Variants in GLO1 observed in about 807,000 individuals in gnomAD.
The protein encoded by GLO1 is lactoylglutathione lyase.
Under a neutral mutation model 26.0 loss-of-function variants are expected in GLO1, and 28 were observed. The observed-to-expected ratio is 1.08, with a 90% CI of 0.80 to 1.48. The LOEUF is 1.48. Ranked by LOEUF, GLO1 falls within the 40% of genes most tolerant of loss-of-function variation. GLO1 has a pLI of 0.00. For synonymous variants in GLO1, 78 were observed against 77.6 expected (o/e 1.00, Z -0.03); for missense variants, 225 against 224.8 (o/e 1.00, Z -0.01).
chr6:38,682,921 T>A, intron 3 of GLO1, 46 bp from the exon 4 acceptor site: 5 of 1,102,142 alleles, frequency 4.5e-6, no homozygotes, highest in Non-Finnish European at 7.0e-6. Context: ...AGGGAATAGA[T>A]ATTCTGAAAA....
rs543143027 is a variant in GLO1, at chr6:38,684,567, C to T, written c.168-53G>A. The T allele has an allele frequency of 3.3e-6, 4 of 1,201,702 alleles. No individual in the cohort carries two copies. The African/African-American group carries it at 6.2e-5, about 19-fold the overall frequency. 74.4% of individuals were successfully genotyped at this position (1,201,702 alleles called of 1,614,324 possible). ...TCATTAACAACAGGAAAGGCTAATT[C>T]ATACTATAATCAACATAACTTAATA... On this transcript the variant is annotated intron_variant, in intron 2 of 5. Transcript: ENST00000373365.
At chr6:38,699,749 A>T (rs548508162) in intron 1 of GLO1, among the ~76,000 whole-genome samples, 20 of 152,200 alleles carry the variant, frequency 1.3e-4, no homozygotes, top group African/African-American at 2.2e-4. Context: ...ACTTCACCCT[A>T]GTAAATTTGT....
chr6:38,681,196 C>T (rs755631484), intron 5 of GLO1, among the ~76,000 whole-genome samples: 3 of 151,934 alleles, frequency 2.0e-5, no homozygotes, highest in Non-Finnish European at 2.9e-5. Flanking sequence ...CCTGAGTAGG[C>T]GGACTATAGG....
chr6:38,686,102 G>GA (rs778298143), intron 2 of GLO1, among the ~76,000 whole-genome samples: 5 of 151,914 alleles, frequency 3.3e-5, no homozygotes, highest in Admixed American at 1.3e-4. Flanking sequence ...CCTTTTTCTA[G>GA]AAAAAAATCA....
At chr6:38,693,685 CTATATATATA>C (rs1170645548) in intron 1 of GLO1, among the ~76,000 whole-genome samples, 10 of 86,460 alleles carry the variant, frequency 1.2e-4, no homozygotes, top group South Asian at 3.6e-4. Context: ...CTCTCTCTCT[CTATATATATA>C]TATATATATA....
intron 5 of GLO1, among the ~76,000 whole-genome samples, chr6:38,679,961 G>C (rs1301993690): frequency 6.6e-6 from 1 of 152,174 alleles, no homozygotes; most frequent in Non-Finnish European, 1.5e-5. Context: ...GAGAAAATTA[G>C]CTAATTGGTA....
chr6:38,699,644 C>T (rs564591309), intron 1 of GLO1, among the ~76,000 whole-genome samples: 13 of 152,170 alleles, frequency 8.5e-5, no homozygotes, highest in South Asian at 4.2e-4. Context: ...TATAAACGCC[C>T]GCTCTGGGAA....
At chr6:38,702,949 T>C (rs967082134) in intron 1 of GLO1, 22 bp downstream of exon 1, 6 of 1,397,076 alleles carry the variant, frequency 4.3e-6, no homozygotes, top group Non-Finnish European at 6.1e-6. Flanking sequence ...GGGGGAGCCG[T>C]TCCCTTCGGT....
intron 5 of GLO1, among the ~76,000 whole-genome samples, chr6:38,680,395 C>T (rs138360121): frequency 6.6e-6 from 1 of 152,172 alleles, no homozygotes; most frequent in African/African-American, 2.4e-5. Flanking sequence ...GTGGTGCATG[C>T]CTGTAATCCC....
At chr6:38,678,496 G>T (rs1761312030) in intron 5 of GLO1, among the ~76,000 whole-genome samples, 1 of 152,184 alleles carries the variant, frequency 6.6e-6, no homozygotes, top group South Asian at 2.1e-4. Context: ...ATGGGGCCGG[G>T]TGACTGTTTT....
intron 2 of GLO1, among the ~76,000 whole-genome samples, chr6:38,685,252 G>T (rs2127546696): frequency 6.6e-6 from 1 of 152,226 alleles, no homozygotes; most frequent in Non-Finnish European, 1.5e-5. Flanking sequence ...CAGAGGGCAA[G>T]AAATATTCTG....
At chr6:38,684,629 A>C (rs1761436697) in intron 2 of GLO1, 115 bp from the exon 3 acceptor site, 2 of 536,624 alleles carry the variant, frequency 3.7e-6, no homozygotes, top group Admixed American at 7.9e-5. Flanking sequence ...ATATGTAGTA[A>C]GCCTATTTTA....
intron 1 of GLO1, among the ~76,000 whole-genome samples, chr6:38,691,988 T>C (rs968960535): frequency 6.6e-6 from 1 of 152,222 alleles, no homozygotes; most frequent in African/African-American, 2.4e-5. Context: ...ATGTAAGTCT[T>C]AAAATCAGGT....
intron 1 of GLO1, among the ~76,000 whole-genome samples, chr6:38,700,871 A>G (rs1004579768): frequency 2.8e-4 from 42 of 148,654 alleles, no homozygotes; most frequent in African/African-American, 1.0e-3. Context: ...CCTCCACCTC[A>G]TGGGTTCAAG....
chr6:38,702,281 T>C (rs1761715387), intron 1 of GLO1, among the ~76,000 whole-genome samples: 1 of 152,236 alleles, frequency 6.6e-6, no homozygotes, highest in Non-Finnish European at 1.5e-5. Context: ...TGAGTTACAC[T>C]GATTCTTACC....
At chr6:38,695,867 T>C (rs536176686) in intron 1 of GLO1, among the ~76,000 whole-genome samples, 1 of 152,268 alleles carries the variant, frequency 6.6e-6, no homozygotes, top group African/African-American at 2.4e-5. Context: ...TCTGTGTCCA[T>C]CAGCATTTCC....
At chr6:38,684,253 A>G in intron 3 of GLO1, 121 bp downstream of exon 3, 1 of 386,558 alleles carries the variant, frequency 2.6e-6, no homozygotes, top group Non-Finnish European at 4.4e-6. Flanking sequence ...TATTATTAAA[A>G]ATGTGAAGTC....
At chr6:38,698,064 G>A (rs754862527) in intron 1 of GLO1, among the ~76,000 whole-genome samples, 11 of 151,996 alleles carry the variant, frequency 7.2e-5, no homozygotes, top group East Asian at 5.8e-4. Flanking sequence ...CCCCTAAACC[G>A]GTCATCTCAA....
At chr6:38,683,590 C>G (rs539506622) in intron 3 of GLO1, among the ~76,000 whole-genome samples, 2 of 152,220 alleles carry the variant, frequency 1.3e-5, no homozygotes, top group African/African-American at 2.4e-5. Flanking sequence ...ATTCTCTTAT[C>G]TAAAAGACAA....
Sources: allele counts gnomAD v4.1 joint callset (sites outside exome capture counted in the v4.1 genomes callset), GRCh38; gene constraint gnomAD v4.1.1; transcripts MANE v1.5; gene names NCBI Gene and HGNC (gene_info 2026-07-23, HGNC 2026-07-21).